Variants in NRXN3 observed in about 807,000 individuals in gnomAD.
NRXN3 encodes the protein neurexin 3.
In NRXN3, 32 loss-of-function variants were observed where a neutral mutation model predicts 137.6. The ratio of observed to expected loss-of-function variants is 0.23; its 90% CI spans 0.18 to 0.31. The LOEUF is 0.31. Ranked by LOEUF, NRXN3 falls within the 10% of genes least tolerant of loss-of-function variation. NRXN3 has a pLI of 1.00. For synonymous variants in NRXN3, 798 were observed against 784.5 expected (o/e 1.02, Z -0.29); for missense variants, 1,574 against 2,062.5 (o/e 0.76, Z 4.59).
At chr14:79,378,483 C>T (rs1418965166) in intron 15 of NRXN3, among the ~76,000 whole-genome samples, 1 of 152,138 alleles carries the variant, frequency 6.6e-6, no homozygotes, top group Non-Finnish European at 1.5e-5. Flanking sequence ...AGCATCATCA[C>T]TGGGAGAAGG....
At chr14:78,912,607 G>T (rs1040445360) in intron 10 of NRXN3, among the ~76,000 whole-genome samples, 1 of 152,050 alleles carries the variant, frequency 6.6e-6, no homozygotes, top group Non-Finnish European at 1.5e-5. Context: ...GATGGAAAAC[G>T]CAGATAGTAT....
intron 4 of NRXN3, among the ~76,000 whole-genome samples, chr14:78,612,858 G>T (rs1191663451): frequency 6.6e-6 from 1 of 152,200 alleles, no homozygotes; most frequent in East Asian, 1.9e-4. Flanking sequence ...TTCTGTGGTG[G>T]TGAGAAAGCT....
intron 4 of NRXN3, among the ~76,000 whole-genome samples, chr14:78,460,440 C>T (rs2094890451): frequency 6.6e-6 from 1 of 152,276 alleles, no homozygotes; most frequent in Admixed American, 6.5e-5. Context: ...GGTGGAGTCC[C>T]CAGCCACTAG....
intron 4 of NRXN3, among the ~76,000 whole-genome samples, chr14:78,517,779 C>A (rs528858562): frequency 6.6e-6 from 1 of 152,274 alleles, no homozygotes; most frequent in South Asian, 2.1e-4. Context: ...CGTCAAAAAT[C>A]AAATTTTTAC....
chr14:78,916,512 G>C (rs955137615), intron 10 of NRXN3, among the ~76,000 whole-genome samples: 1 of 152,164 alleles, frequency 6.6e-6, no homozygotes, highest in South Asian at 2.1e-4. Context: ...TCCAGGGAGA[G>C]GGAATCCCAA....
intron 19 of NRXN3, among the ~76,000 whole-genome samples, chr14:79,764,634 T>C (rs977434102): frequency 6.6e-6 from 1 of 152,152 alleles, no homozygotes; most frequent in African/African-American, 2.4e-5. Flanking sequence ...ATTTTTTTTT[T>C]CTGAACTTTA....
intron 15 of NRXN3, among the ~76,000 whole-genome samples, chr14:79,282,737 G>C (rs1267850642): frequency 6.6e-6 from 1 of 152,162 alleles, no homozygotes; most frequent in Non-Finnish European, 1.5e-5. Flanking sequence ...GAGCTGTAGA[G>C]TACAGTGAAC....
chr14:78,816,761 A>G (rs2098934761), intron 10 of NRXN3, among the ~76,000 whole-genome samples: 1 of 152,216 alleles, frequency 6.6e-6, no homozygotes, highest in African/African-American at 2.4e-5. Flanking sequence ...TTACAAAGTT[A>G]TATTTCTACC....
chr14:78,534,638 T>C (rs912392003), intron 4 of NRXN3, among the ~76,000 whole-genome samples: 6 of 152,322 alleles, frequency 3.9e-5, no homozygotes, highest in East Asian at 1.9e-4. Flanking sequence ...ACGCTTTTAG[T>C]CTCTCTCTTT....
intron 19 of NRXN3, among the ~76,000 whole-genome samples, chr14:79,759,690 A>T (rs2139370412): frequency 6.6e-6 from 1 of 151,834 alleles, no homozygotes; most frequent in South Asian, 2.1e-4. Flanking sequence ...TATTCCTGAC[A>T]TAAAGTTTTT....
chr14:78,784,307 A>G (rs2098781551), intron 8 of NRXN3, among the ~76,000 whole-genome samples: 1 of 152,174 alleles, frequency 6.6e-6, no homozygotes, highest in African/African-American at 2.4e-5. Context: ...TGAATGCCCA[A>G]ATGCAAGAAC....
chr14:78,388,430 A>C (rs1024062660), intron 4 of NRXN3, among the ~76,000 whole-genome samples: 11 of 152,234 alleles, frequency 7.2e-5, no homozygotes, highest in African/African-American at 2.7e-4. Context: ...TTCTGTTAAG[A>C]AATTAGTAAA....
chr14:79,363,199 C>T (rs527930745), intron 15 of NRXN3, among the ~76,000 whole-genome samples: 81 of 152,206 alleles, frequency 5.3e-4, no homozygotes, highest in Non-Finnish European at 9.4e-4. Context: ...AGGGTTTCGC[C>T]ATGTTGGCCA....
intron 10 of NRXN3, among the ~76,000 whole-genome samples, chr14:78,894,741 C>T (rs1446081250): frequency 6.6e-6 from 1 of 151,736 alleles, no homozygotes; most frequent in Non-Finnish European, 1.5e-5. Flanking sequence ...AATAATAAGA[C>T]TTGAAAGTTG....
rs147963057 is a variant in NRXN3 at position 79,788,436 on chromosome 14, C to T, written c.4015-16676C>T. 1.3e-3 allele frequency among the ~76,000 whole-genome samples: 195 copies of T among 152,274 alleles called. 2 individuals are homozygous for T. Among genetic ancestry groups the T allele is most frequent in the Admixed American group, 1.9e-3 (29 of 15,296 alleles). ...CTGGTCCAGGAGTATAGTAACCCTA[C>T]GGGTGATTTCAGACCAATAATAAGT... On this transcript the variant is annotated intron_variant, in intron 19 of 20. Transcript: ENST00000335750.
chr14:78,285,923 C>A (rs2153511685), intron 3 of NRXN3, among the ~76,000 whole-genome samples: 1 of 152,216 alleles, frequency 6.6e-6, no homozygotes, highest in South Asian at 2.1e-4. Context: ...CTGGCTGGGG[C>A]CCAGGAAGAC....
At chr14:79,834,769 A>G (rs727106) in intron 20 of NRXN3, among the ~76,000 whole-genome samples, 138,158 of 152,136 alleles carry the variant, frequency 0.91, 62,757 homozygotes, top group East Asian at 0.96. Context: ...AGACATCTTC[A>G]TCTTCCTGTG....
At chr14:78,847,799 T>G (rs1413135016) in intron 10 of NRXN3, among the ~76,000 whole-genome samples, 1 of 152,116 alleles carries the variant, frequency 6.6e-6, no homozygotes, top group Non-Finnish European at 1.5e-5. Context: ...AACTACGTTT[T>G]GGAGAACCAG....
chr14:78,437,080 TTC>T (rs1173794119), intron 4 of NRXN3, among the ~76,000 whole-genome samples: 2 of 152,204 alleles, frequency 1.3e-5, no homozygotes, highest in Non-Finnish European at 2.9e-5. Context: ...TAGCATCCCC[TTC>T]ATGTGGTTGT....
Sources: allele counts gnomAD v4.1 joint callset (sites outside exome capture counted in the v4.1 genomes callset), GRCh38; gene constraint gnomAD v4.1.1; transcripts MANE v1.5; gene names NCBI Gene and HGNC (gene_info 2026-07-23, HGNC 2026-07-21).